The following FBXL17 variants were observed in gnomAD, a reference collection of about 807,000 sequenced individuals.
FBXL17 encodes the protein F-box and leucine rich repeat protein 17, also known as F-box/LRR-repeat protein 17.
FBXL17 carries 22 observed loss-of-function variants against 66.2 expected under a neutral mutation model. That is an observed-to-expected ratio of 0.33 (90% CI 0.24 to 0.47). The LOEUF (loss-of-function observed/expected upper bound fraction) is 0.47. Ranked by LOEUF, FBXL17 falls within the 20% of genes least tolerant of loss-of-function variation. FBXL17 has a pLI of 1.00. For synonymous variants in FBXL17, 474 were observed against 400.5 expected (o/e 1.18, Z -2.19); for missense variants, 878 against 948.2 (o/e 0.93, Z 0.97).
intron 6 of FBXL17, among the ~76,000 whole-genome samples, chr5:108,047,190 G>A (rs879547888): frequency 6.6e-6 from 1 of 152,182 alleles, no homozygotes; most frequent in Non-Finnish European, 1.5e-5. Flanking sequence ...AGTATGGTGC[G>A]GTGGTACACC....
Position 108,375,852 on chromosome 5 carries a change from C to T in FBXL17, c.993+4847G>A, listed in dbSNP as rs1038980686. On this transcript the variant is annotated intron_variant, in intron 1 of 8. Transcript: ENST00000542267. ...ACAGACCAATGTCCCTTATGAATAC[C>T]GATGTGAAAATCTTCAATAAAATAT... Among the ~76,000 whole-genome samples, 10 of 152,118 alleles carry T rather than the reference C, an allele frequency of 6.6e-5. 1 individual carries two copies. Among genetic ancestry groups the T allele is most frequent in the Admixed American group, 3.3e-4 (5 of 15,286 alleles).
At chr5:107,909,032 T>A (rs1749857958) in intron 7 of FBXL17, among the ~76,000 whole-genome samples, 1 of 152,130 alleles carries the variant, frequency 6.6e-6, no homozygotes, top group Non-Finnish European at 1.5e-5. Flanking sequence ...ACTGAACCTG[T>A]GATAGTCTCA....
chr5:108,120,428 CT>C (rs1353820852), intron 6 of FBXL17, among the ~76,000 whole-genome samples: 1 of 152,154 alleles, frequency 6.6e-6, no homozygotes, highest in Non-Finnish European at 1.5e-5. Flanking sequence ...AAAAAAAGCT[CT>C]GTTTACTGAA....
At chr5:107,958,838 TAATCC>T (rs1751773413) in intron 7 of FBXL17, among the ~76,000 whole-genome samples, 1 of 152,172 alleles carries the variant, frequency 6.6e-6, no homozygotes, top group Non-Finnish European at 1.5e-5. Flanking sequence ...AAATGGAAAA[TAATCC>T]TGTCATAATG....
At chr5:108,239,988 G>A (rs76657278) in intron 4 of FBXL17, among the ~76,000 whole-genome samples, 3,747 of 151,982 alleles carry the variant, frequency 0.025, 148 homozygotes, top group African/African-American at 0.085. Flanking sequence ...TGAAGGGAAG[G>A]ACCTTGGCCT....
chr5:108,022,129 T>C (rs1580339866), intron 6 of FBXL17, among the ~76,000 whole-genome samples: 1 of 151,914 alleles, frequency 6.6e-6, no homozygotes, highest in Non-Finnish European at 1.5e-5. Context: ...TTATGGAATT[T>C]TGTTTTAATG....
At chr5:108,295,945 T>C (rs1758329804) in intron 4 of FBXL17, among the ~76,000 whole-genome samples, 1 of 128,284 alleles carries the variant, frequency 7.8e-6, no homozygotes, top group Non-Finnish European at 1.6e-5. Flanking sequence ...AGTGTTCTAG[T>C]AGGAAAATTA....
intron 4 of FBXL17, among the ~76,000 whole-genome samples, chr5:108,257,673 T>G (rs1037459620): frequency 1.3e-5 from 2 of 152,124 alleles, no homozygotes; most frequent in Admixed American, 1.3e-4. Flanking sequence ...TCACAGATAC[T>G]AAAGTGGCAG....
chr5:108,145,866 A>C (rs957758217), intron 6 of FBXL17, among the ~76,000 whole-genome samples: 5 of 151,134 alleles, frequency 3.3e-5, no homozygotes, highest in African/African-American at 9.8e-5. Flanking sequence ...TACAATGTAG[A>C]GATAATCAGT....
At chr5:107,972,010 C>G (rs1752391778) in intron 7 of FBXL17, among the ~76,000 whole-genome samples, 1 of 152,226 alleles carries the variant, frequency 6.6e-6, no homozygotes, top group Non-Finnish European at 1.5e-5. Flanking sequence ...TTAGAGCCCT[C>G]TCTGAACATG....
At chr5:107,907,227 G>A (rs900896046) in intron 7 of FBXL17, among the ~76,000 whole-genome samples, 3 of 152,106 alleles carry the variant, frequency 2.0e-5, no homozygotes, top group African/African-American at 7.2e-5. Context: ...AACGAATAAG[G>A]AGTAGTCTCA....
chr5:108,007,562 C>T (rs1753980578), intron 7 of FBXL17, among the ~76,000 whole-genome samples: 1 of 151,888 alleles, frequency 6.6e-6, no homozygotes, highest in Non-Finnish European at 1.5e-5. Flanking sequence ...TTGTAGAGCC[C>T]ACTGCACGTA....
At chr5:107,956,276 T>C (rs190030362) in intron 7 of FBXL17, among the ~76,000 whole-genome samples, 7 of 152,328 alleles carry the variant, frequency 4.6e-5, no homozygotes, top group Admixed American at 2.0e-4. Flanking sequence ...TGTTAAAACC[T>C]CAGATTCCTG....
chr5:108,137,066 A>G (rs1580495092), intron 6 of FBXL17, among the ~76,000 whole-genome samples: 1 of 152,218 alleles, frequency 6.6e-6, no homozygotes, highest in African/African-American at 2.4e-5. Flanking sequence ...GAAATGCTAT[A>G]TTAACTTATA....
At chr5:108,248,811 A>T (rs1756223793) in intron 4 of FBXL17, among the ~76,000 whole-genome samples, 1 of 152,162 alleles carries the variant, frequency 6.6e-6, no homozygotes, top group Admixed American at 6.5e-5. Context: ...AAGTGCTAAA[A>T]GAAAAGAACT....
In FBXL17 at chr5:107,919,534, G is replaced by A. The variant is rs542617033; in HGVS notation, c.1823-38355C>T. Among the ~76,000 whole-genome samples the A allele has an allele frequency of 3.3e-5, 5 of 152,278 alleles. No individual in the cohort carries two copies. The South Asian group carries it at 1.0e-3, about 32-fold the overall frequency. ...ATAAAGGCTTTTTACACGCTCCAGT[G>A]TCTTTTACCTCCAGATCTCAACTCT... On this transcript the variant is annotated intron_variant, in intron 7 of 8. Coordinates refer to ENST00000542267, the MANE Select transcript of FBXL17 (RefSeq NM_001163315.3).
intron 4 of FBXL17, among the ~76,000 whole-genome samples, chr5:108,288,477 G>A (rs1342971679): frequency 6.6e-6 from 1 of 151,846 alleles, no homozygotes; most frequent in African/African-American, 2.4e-5. Context: ...ACAATAAAAT[G>A]AGGTATGCTT....
chr5:108,140,237 G>T (rs769954914), intron 6 of FBXL17, among the ~76,000 whole-genome samples: 1 of 152,042 alleles, frequency 6.6e-6, no homozygotes, highest in Non-Finnish European at 1.5e-5. Flanking sequence ...GTACAGATGG[G>T]GTCTCACTAT....
At chr5:108,192,880 A>G (rs1440257129) in intron 5 of FBXL17, among the ~76,000 whole-genome samples, 1 of 152,198 alleles carries the variant, frequency 6.6e-6, no homozygotes, top group Non-Finnish European at 1.5e-5. Context: ...AAAATGAAAC[A>G]AAACCCTCAA....
Sources: gnomAD v4.1 joint callset for allele counts (sites outside exome capture counted in the v4.1 genomes callset) on GRCh38, gnomAD v4.1.1 for gene constraint, MANE v1.5 for transcripts, NCBI Gene and HGNC (gene_info 2026-07-23, HGNC 2026-07-21) for gene names.